Variants in LHX1 observed in about 807,000 individuals in gnomAD.
LHX1 encodes LIM homeobox 1.
A neutral mutation model predicts 34.1 loss-of-function variants in LHX1; 9 were observed. That is an observed-to-expected ratio of 0.26 (90% CI 0.16 to 0.46). The LOEUF is 0.46. Ranked by LOEUF, LHX1 falls within the 20% of genes least tolerant of loss-of-function variation. LHX1 has a pLI of 1.00. For synonymous variants in LHX1, 254 were observed against 241.5 expected (o/e 1.05, Z -0.48); for missense variants, 446 against 559.1 (o/e 0.80, Z 2.04).
Position 36,943,226 on chromosome 17 carries a change from C to A in LHX1, c.*95C>A. ...AAAAAAAACATAAAAAGCAAGTCCC[C>A]ACCCCCTTCCTCCAGCCTCGAGAAC... On this transcript the variant is annotated 3_prime_UTR_variant, in exon 5 of 5. Coordinates refer to ENST00000614239, the MANE Select transcript of LHX1 (RefSeq NM_005568.5). 2.2e-6 allele frequency: 3 copies of A among 1,374,906 alleles called. No individual in the cohort carries two copies. Among genetic ancestry groups the A allele is most frequent in the East Asian group, 2.5e-5 (1 of 39,374 alleles). The allele number at this position is 1,374,906 out of a possible 1,614,324, so 85.2% of individuals were successfully genotyped here. A position where few individuals can be genotyped will look rare whatever the true frequency, so the allele number is the denominator to read the frequency against.
chr17:36,942,618 C>T lies in LHX1; in HGVS notation c.842-134C>T, dbSNP rs906466719. 22 of 1,087,842 alleles carry T rather than the reference C, an allele frequency of 2.0e-5. No homozygotes were observed. In the African/African-American group the frequency reaches 3.6e-4, roughly 18 times the overall value. 67.4% of individuals were successfully genotyped at this position (1,087,842 alleles called of 1,614,324 possible). On this transcript the variant is annotated intron_variant, in intron 4 of 4. Coordinates refer to ENST00000614239, the MANE Select transcript of LHX1 (RefSeq NM_005568.5). ...AGCCTCCTCCCTGCACCCAGGCCCG[C>T]GAGGGCTCCCCGCGATCCGCGAGTT... is the stretch of plus-strand genomic sequence containing the variant.
At position 36,938,091 on chromosome 17, in the gene LHX1, T is replaced by C; in HGVS notation, c.-107T>C. 1 of 1,144,172 alleles carries C rather than the reference T, an allele frequency of 8.7e-7. No homozygotes were observed. Among genetic ancestry groups the C allele is most frequent in the Non-Finnish European group, 1.3e-6 (1 of 767,224 alleles). The allele number at this position is 1,144,172 out of a possible 1,614,324, so 70.9% of individuals were successfully genotyped here. A position where few individuals can be genotyped will look rare whatever the true frequency, so the allele number is the denominator to read the frequency against. On this transcript the variant is annotated 5_prime_UTR_variant, in exon 1 of 5. Coordinates refer to ENST00000614239, the MANE Select transcript of LHX1 (RefSeq NM_005568.5). ...CTTGCACGGCCGAGTGTGTGTCCTC[T>C]TTTTGGAGAGACTGGGGAGCTCGTG...
Position 36,937,650 on chromosome 17 carries a change from A to T in LHX1, c.-548A>T. The stretch of plus-strand genomic sequence containing the variant: ...CTTTCCTTCCCTTTTTTAAAAAAAG[A>T]GGGGGGAAATCCCAGTGGTGGGCAG... On this transcript the variant is annotated 5_prime_UTR_variant, in exon 1 of 5. Transcript: ENST00000614239. The T allele has an allele frequency of 2.9e-6, 1 of 345,608 alleles. No homozygotes were observed. 21.4% of individuals were successfully genotyped at this position (345,608 alleles called of 1,614,324 possible).
rs2070787609 is a variant in LHX1, at chr17:36,944,165, G to A, written c.*1034G>A. The A allele has an allele frequency of 6.6e-6, 1 of 150,950 alleles. No homozygotes were observed. The highest frequency in any genetic ancestry group is 2.4e-5 in the African/African-American group (1 of 40,986). The allele number at this position is 150,950 out of a possible 1,614,324, so 9.4% of individuals were successfully genotyped here. A position where few individuals can be genotyped will look rare whatever the true frequency, so the allele number is the denominator to read the frequency against. ...GTATGTAAAAAGGTGTTGTTTACAC[G>A]AGGCAAAGAGAAAACATGCTATTCA... On this transcript the variant is annotated 3_prime_UTR_variant, in exon 5 of 5. Coordinates refer to ENST00000614239, the MANE Select transcript of LHX1 (RefSeq NM_005568.5).
In LHX1 at chr17:36,938,521, T is replaced by C. The variant is rs1597687919; in HGVS notation, c.170+154T>C. The C allele has an allele frequency of 6.6e-6, 5 of 761,906 alleles. No individual in the cohort carries two copies. In the East Asian group the frequency reaches 1.3e-4, roughly 20 times the overall value. The allele number at this position is 761,906 out of a possible 1,614,324, so 47.2% of individuals were successfully genotyped here. On this transcript the variant is annotated intron_variant, in intron 1 of 4. Transcript: ENST00000614239. ...CGCGGGCGCCCGCCTCTCCGCCAGC[T>C]GGCGCGCTGGGAGCCCGGGACGCGG...
In LHX1 at chr17:36,943,010, C is replaced by T; in HGVS notation, c.1100C>T (p.Ser367Phe). ...PEPSLPGPLH[S>F]MSAEVFGPSP... Reference sequence around the variant, plus strand: ...CCCAGCCTGCCCGGGCCTCTGCACTCCATGTCGGCCGAGGTCTTCGGACCC... The same window carrying T: ...CCCAGCCTGCCCGGGCCTCTGCACTTCATGTCGGCCGAGGTCTTCGGACCC... The change falls in exon 5 of 5, where the codon TCC (serine) becomes TTC (phenylalanine). Residue 367 changes from serine to phenylalanine, a missense_variant. By Grantham distance (155) the Ser-to-Phe change is radical. Coordinates refer to ENST00000614239, the MANE Select transcript of LHX1 (RefSeq NM_005568.5). The T allele has an allele frequency of 6.2e-7, 1 of 1,610,648 alleles. No individual in the cohort carries two copies. Among genetic ancestry groups the T allele is most frequent in the Non-Finnish European group, 8.5e-7 (1 of 1,178,586 alleles).
At chr17:36,938,733 T>A (rs1209534537) in intron 1 of LHX1, 4 of 400,422 alleles carry the variant, frequency 1.0e-5, no homozygotes, top group African/African-American at 2.1e-5. Context: ...TCTCCAGGCC[T>A]TCGGGGTTGT....
At chr17:36,940,046 A>C in intron 1 of LHX1, 2 of 590,476 alleles carry the variant, frequency 3.4e-6, no homozygotes, top group African/African-American at 1.9e-5. Context: ...AACCGCGTGT[A>C]TCCCCTCCCT....
intron 1 of LHX1, among the ~76,000 whole-genome samples, chr17:36,939,384 G>A (rs2070749680): frequency 6.6e-6 from 1 of 152,210 alleles, no homozygotes; most frequent in Admixed American, 6.5e-5. Context: ...GGAGCAGGAG[G>A]AAGAGGGATT....
Position 36,938,251 on chromosome 17 carries a change from C to T in LHX1, c.54C>T (p.Asn18=), listed in dbSNP as rs1186094809. 41 of 1,614,098 alleles carry T rather than the reference C, an allele frequency of 2.5e-5. No individual in the cohort carries two copies. Among genetic ancestry groups the T allele is most frequent in the African/African-American group, 4.0e-5 (3 of 74,944 alleles). The change falls in exon 1 of 5, where the codon AAC becomes AAT. Residue 18 remains asparagine (N), a synonymous_variant. Transcript: ENST00000614239. ...CCATCCTGGACCGCTTTCTCTTGAA[C>T]GTGCTGGACAGGGCCTGGCACGTCA... The part of the protein sequence containing the change: ...KRPILDRFLL[N]VLDRAWHVKC...
chr17:36,942,852 G>C lies in LHX1; in HGVS notation c.942G>C (p.Val314=), dbSNP rs759976630. The C allele has an allele frequency of 6.3e-7, 1 of 1,589,102 alleles. No individual in the cohort carries two copies. The highest frequency in any genetic ancestry group is 8.6e-7 in the Non-Finnish European group (1 of 1,165,452). Residue 314 remains valine (V), a synonymous_variant, in exon 5 of 5, where the codon GTG becomes GTC. Transcript: ENST00000614239. The part of the protein sequence containing the change: ...QAQTPVDLPF[V]PSSGPSGTPL... Reference sequence around the variant, plus strand: ...AGACACCAGTGGACCTACCCTTCGTGCCGTCATCTGGGCCGTCCGGGACGC... The same window carrying C: ...AGACACCAGTGGACCTACCCTTCGTCCCGTCATCTGGGCCGTCCGGGACGC...
rs911887575 is a variant in LHX1 at position 36,937,874 on chromosome 17, G to A, written c.-324G>A. ...CGTTCTCGCTGACCTTCACTCCTCCGCGGGCTCTGAGCAGAAGGGTCGCAT... is the reference window on the plus strand; with the variant it reads ...CGTTCTCGCTGACCTTCACTCCTCCACGGGCTCTGAGCAGAAGGGTCGCAT... On this transcript the variant is annotated 5_prime_UTR_variant, in exon 1 of 5. Transcript: ENST00000614239. The A allele has an allele frequency of 3.3e-6, 2 of 598,334 alleles. No individual in the cohort carries two copies. The highest frequency in any genetic ancestry group is 2.2e-5 in the Admixed American group (1 of 45,918). 37.1% of individuals were successfully genotyped at this position (598,334 alleles called of 1,614,324 possible).
chr17:36,937,125 G>A (rs1003302052), upstream of LHX1: 33 of 405,170 alleles, frequency 8.1e-5, no homozygotes, highest in Middle Eastern at 3.8e-3. Context: ...AGGAAAAGGA[G>A]AGAAAGTCGA....
In LHX1 at chr17:36,940,422, C is replaced by A. The variant is rs758398705; in HGVS notation, c.303C>A (p.Gly101=). ...TGTGTAACAAGCAGCTCTCCACTGG[C>A]GAGGAACTCTACATCATCGACGAGA... The part of the protein sequence containing the change: ...CMMCNKQLST[G]EELYIIDENK... The change falls in exon 2 of 5, where the codon GGC becomes GGA. Residue 101 remains glycine, a synonymous_variant. Coordinates refer to ENST00000614239, the MANE Select transcript of LHX1 (RefSeq NM_005568.5). 1.8e-5 allele frequency: 29 copies of A among 1,614,010 alleles called. No homozygotes were observed. The highest frequency in any genetic ancestry group is 2.1e-5 in the Non-Finnish European group (25 of 1,180,030).
At chr17:36,938,443 G>A in intron 1 of LHX1, 76 bp downstream of exon 1, 1 of 1,457,470 alleles carries the variant, frequency 6.9e-7, no homozygotes, top group Non-Finnish European at 9.6e-7. Flanking sequence ...TCAGAGGTTA[G>A]CGTGGCCTCG....
intron 3 of LHX1, chr17:36,941,386 G>T (rs1420895169): frequency 5.8e-6 from 2 of 342,176 alleles, no homozygotes; most frequent in Non-Finnish European, 1.2e-5. Context: ...GGTTCCGCCG[G>T]GAGTCAGCTC....
intron 3 of LHX1, among the ~76,000 whole-genome samples, 168 bp from the exon 4 acceptor site, chr17:36,942,032 A>C (rs1440467560): frequency 6.6e-6 from 1 of 152,084 alleles, no homozygotes; most frequent in Non-Finnish European, 1.5e-5. Context: ...GTCCGCCCTG[A>C]GTGGTCCTAG....
chr17:36,937,706 C>T lies in LHX1; in HGVS notation c.-492C>T. On this transcript the variant is annotated 5_prime_UTR_variant, in exon 1 of 5. Transcript: ENST00000614239. ...CACGCACACAGTCGCCCTCATACCC[C>T]GACAAAAGCAGATGCACTTTGACTT... 2.3e-6 allele frequency: 1 copy of T among 432,166 alleles called. No homozygotes were observed. Among genetic ancestry groups the T allele is most frequent in the Non-Finnish European group, 4.7e-6 (1 of 213,462 alleles). The allele number at this position is 432,166 out of a possible 1,614,324, so 26.8% of individuals were successfully genotyped here.
intron 4 of LHX1, 42 bp from the exon 5 acceptor site, chr17:36,942,690 TTTCGGTCCCGCCGGCCCCCG>T: frequency 7.0e-7 from 1 of 1,429,070 alleles, no homozygotes; most frequent in Non-Finnish European, 9.2e-7. Context: ...CTTCCCTCCC[TTTCGGTCCCGCCGGCCCCCG>T]GCCGGGCCCT....
Sources: allele counts gnomAD v4.1 joint callset (sites outside exome capture counted in the v4.1 genomes callset), GRCh38; gene constraint gnomAD v4.1.1; transcripts MANE v1.5; gene names NCBI Gene and HGNC (gene_info 2026-07-23, HGNC 2026-07-21).